The following FSD1 variants were observed in gnomAD, a reference collection of about 807,000 sequenced individuals.
The protein encoded by FSD1 is fibronectin type III and SPRY domain containing 1.
A neutral mutation model predicts 58.2 loss-of-function variants in FSD1; 23 were observed. The observed-to-expected ratio is 0.40, with a 90% CI of 0.28 to 0.56. FSD1 has a LOEUF of 0.56. Among genes scored for constraint, FSD1 ranks in the 20% least tolerant of loss-of-function variants. FSD1 has a pLI of 0.54. For synonymous variants in FSD1, 265 were observed against 263.4 expected (o/e 1.01, Z -0.06); for missense variants, 563 against 670.8 (o/e 0.84, Z 1.78).
At chr19:4,318,572 C>G (rs1022107910) in intron 9 of FSD1, 67 bp downstream of exon 9, 1 of 1,410,154 alleles carries the variant, frequency 7.1e-7, no homozygotes, top group East Asian at 2.5e-5. Flanking sequence ...GACACAGAGC[C>G]CAGTGTGGTC....
At chr19:4,305,343 C>T (rs932606567) in intron 1 of FSD1, among the ~76,000 whole-genome samples, 1 of 151,886 alleles carries the variant, frequency 6.6e-6, no homozygotes, top group Non-Finnish European at 1.5e-5. Flanking sequence ...GGCCCCACCC[C>T]TGTTCCGAGG....
intron 8 of FSD1, among the ~76,000 whole-genome samples, chr19:4,318,008 C>T (rs1244353435): frequency 6.6e-6 from 1 of 152,054 alleles, no homozygotes; most frequent in African/African-American, 2.4e-5. Context: ...CAGAGCGAGA[C>T]TCCATCTCAA....
intron 8 of FSD1, 47 bp from the exon 9 acceptor site, chr19:4,318,299 C>T: frequency 1.2e-6 from 2 of 1,613,018 alleles, no homozygotes; most frequent in Non-Finnish European, 1.7e-6. Context: ...CTCTGTGTCT[C>T]TCCGGGTTTC....
Position 4,308,233 on chromosome 19 carries a change from C to T in FSD1, c.345+250C>T, listed in dbSNP as rs543040672. The stretch of plus-strand genomic sequence containing the variant: ...GACTAGCCTGGCCAACACGGGGAAA[C>T]CCCATCTCTACTAAAAATACAAACA... On this transcript the variant is annotated intron_variant, in intron 4 of 12. Transcript: ENST00000221856. Among the ~76,000 whole-genome samples, 534 of 152,060 alleles carry T rather than the reference C, an allele frequency of 3.5e-3. 1 individual carries two copies. The highest frequency in any genetic ancestry group is 6.0e-3 in the Non-Finnish European group (406 of 67,996).
intron 10 of FSD1, among the ~76,000 whole-genome samples, chr19:4,322,283 A>G (rs1207125658): frequency 2.9e-5 from 4 of 138,562 alleles, no homozygotes; most frequent in Non-Finnish European, 4.6e-5. Context: ...TCTGGGGGGA[A>G]TAGCTGGGAT....
rs143212819 is a variant in FSD1 at position 4,306,035 on chromosome 19, C to T, written c.105C>T (p.Asn35=). 521 of 1,613,522 alleles carry T rather than the reference C, an allele frequency of 3.2e-4. No individual in the cohort carries two copies. Among genetic ancestry groups the T allele is most frequent in the Non-Finnish European group, 4.2e-4 (498 of 1,179,564 alleles). ...ACTCCCTGAAACAGATGCTGCTGAA[C>T]GTGGAGGTGAAGGCGGTGGGGCAGT... ...FIYSLKQMLL[N]VEANSAKVQE... Residue 35 remains asparagine, a synonymous_variant, in exon 2 of 13, where the codon AAC becomes AAT. Transcript: ENST00000221856.
Position 4,323,665 on chromosome 19 carries a change from T to C in FSD1, c.*22T>C. 1.9e-6 allele frequency: 3 copies of C among 1,571,028 alleles called. No individual in the cohort carries two copies. Among genetic ancestry groups the C allele is most frequent in the Non-Finnish European group, 2.6e-6 (3 of 1,146,640 alleles). On this transcript the variant is annotated 3_prime_UTR_variant, in exon 13 of 13. Coordinates refer to ENST00000221856, the MANE Select transcript of FSD1 (RefSeq NM_024333.3). The surrounding 1 kb of genome is among the most constrained non-coding windows in gnomAD (Gnocchi z 7.7). ...CTAGGCCCCCAGGCACCCACCCAGC[T>C]GGGGTGTTTTTGGGGGAGTCGCCGC...
At chr19:4,311,029 C>T (rs1971684465) in intron 6 of FSD1, 1 of 162,836 alleles carries the variant, frequency 6.1e-6, no homozygotes, top group Admixed American at 5.7e-5. Context: ...TGGGTGGAGC[C>T]ATCAGAAAGC....
rs1052490528 is a variant in FSD1, at chr19:4,304,626, C to T, written c.-121C>T. On this transcript the variant is annotated 5_prime_UTR_variant, in exon 1 of 13. Coordinates refer to ENST00000221856, the MANE Select transcript of FSD1 (RefSeq NM_024333.3). Reference sequence around the variant, plus strand: ...ATGCGCGCGGTGATGGAGCGCTAACCGGGGGCGCGGCGGCGGCGAGGGCTC... The same window carrying T: ...ATGCGCGCGGTGATGGAGCGCTAACTGGGGGCGCGGCGGCGGCGAGGGCTC... 3.8e-6 allele frequency: 2 copies of T among 529,022 alleles called. No individual in the cohort carries two copies. The highest frequency in any genetic ancestry group is 3.7e-5 in the East Asian group (1 of 27,078). The allele number at this position is 529,022 out of a possible 1,614,324, so 32.8% of individuals were successfully genotyped here.
rs1971735903 is a variant in FSD1, at chr19:4,323,794, G to A, written c.*151G>A. ...CAAGAGGGAGTGGGCACCCTGGCGG[G>A]CCCTCTCCCCACCTCACCTCTTAAT... On this transcript the variant is annotated 3_prime_UTR_variant, in exon 13 of 13. Transcript: ENST00000221856. The surrounding 1 kb of genome is among the most constrained non-coding windows in gnomAD (Gnocchi z 7.7). 2 of 633,198 alleles carry A rather than the reference G, an allele frequency of 3.2e-6. No individual in the cohort carries two copies. 39.2% of individuals were successfully genotyped at this position (633,198 alleles called of 1,614,324 possible). A position where few individuals can be genotyped will look rare whatever the true frequency, so the allele number is the denominator to read the frequency against.
At chr19:4,310,627 C>T in intron 6 of FSD1, 31 bp downstream of exon 6, 3 of 1,601,382 alleles carry the variant, frequency 1.9e-6, no homozygotes, top group Non-Finnish European at 2.6e-6. Context: ...AGGGCCAGGA[C>T]TTCCGGGGAA....
At position 4,323,689 on chromosome 19, in the gene FSD1, G is replaced by A. The variant is rs370170610; in HGVS notation, c.*46G>A. On this transcript the variant is annotated 3_prime_UTR_variant, in exon 13 of 13. Transcript: ENST00000221856. This position sits in a 1 kb window ranked among gnomAD's most constrained non-coding sequence, Gnocchi z 7.7. ...CTGGGGTGTTTTTGGGGGAGTCGCC[G>A]CCAAGCCCAGGCTGCTGGAGCCAGG... 4.6e-4 allele frequency: 624 copies of A among 1,358,724 alleles called. 1 individual carries two copies. Among genetic ancestry groups the A allele is most frequent in the Non-Finnish European group, 6.0e-4 (584 of 970,948 alleles). 84.2% of individuals were successfully genotyped at this position (1,358,724 alleles called of 1,614,324 possible).
intron 7 of FSD1, among the ~76,000 whole-genome samples, chr19:4,315,284 G>A (rs559636189): frequency 2.0e-4 from 29 of 145,174 alleles, no homozygotes; most frequent in Non-Finnish European, 3.7e-4. Context: ...ATAGGCATGC[G>A]CCCCAACGCC....
chr19:4,307,852 G>A (rs868318024), intron 3 of FSD1, 30 bp from the exon 4 acceptor site: 7 of 1,578,654 alleles, frequency 4.4e-6, no homozygotes, highest in Middle Eastern at 1.7e-4. Context: ...GGGGTGAGTT[G>A]TCCCCTCCTT....
chr19:4,323,507 T>A lies in FSD1; in HGVS notation c.1381-26T>A. ...GCGCTGGGGTTTGAAGCTGAGCCCC[T>A]CCCCCCTCCCCCCGCTGTCCCTCAG... On this transcript the variant is annotated intron_variant, in intron 12 of 12. Coordinates refer to ENST00000221856, the MANE Select transcript of FSD1 (RefSeq NM_024333.3). This position sits in a 1 kb window ranked among gnomAD's most constrained non-coding sequence, Gnocchi z 7.7. The A allele has an allele frequency of 1.2e-6, 1 of 818,378 alleles. No individual in the cohort carries two copies. Among genetic ancestry groups the A allele is most frequent in the Non-Finnish European group, 2.1e-6 (1 of 468,592 alleles). 50.7% of individuals were successfully genotyped at this position (818,378 alleles called of 1,614,324 possible).
intron 10 of FSD1, among the ~76,000 whole-genome samples, chr19:4,322,545 G>A (rs78182579): frequency 1.8e-4 from 27 of 146,234 alleles, no homozygotes; most frequent in African/African-American, 3.0e-4. Flanking sequence ...AGCTGGGTCC[G>A]AAGGAGTATC....
In FSD1 at chr19:4,323,757, T is replaced by TG. The variant is rs971615351; in HGVS notation, c.*121dup. The TG allele has an allele frequency of 5.2e-5, 38 of 728,202 alleles. No individual in the cohort carries two copies. The highest frequency in any genetic ancestry group is 6.3e-5 in the Non-Finnish European group (28 of 444,084). The allele number at this position is 728,202 out of a possible 1,614,324, so 45.1% of individuals were successfully genotyped here. On this transcript the variant is annotated 3_prime_UTR_variant, in exon 13 of 13. Coordinates refer to ENST00000221856, the MANE Select transcript of FSD1 (RefSeq NM_024333.3). The surrounding 1 kb of genome is among the most constrained non-coding windows in gnomAD (Gnocchi z 7.7). ...TGCTGCTTGGAGCCTTAACTCCAGA[T>TG]GGGGGGGTCACCAAGAGGGAGTGGG...
intron 7 of FSD1, 60 bp from the exon 8 acceptor site, chr19:4,317,122 C>G: frequency 1.0e-6 from 1 of 954,488 alleles, no homozygotes; most frequent in Non-Finnish European, 1.7e-6. Flanking sequence ...CAGCTTTAAC[C>G]CATGACTCAG....
Position 4,323,459 on chromosome 19 carries a change from G to C in FSD1, c.1380+23G>C, listed in dbSNP as rs186069472. ...ACGGTGAGCTGCCCTCCGCGGCCCA[G>C]GGGGAGGAGAGGGTGGTGCTGGGCG... On this transcript the variant is annotated intron_variant, in intron 12 of 12. Transcript: ENST00000221856. This position sits in a 1 kb window ranked among gnomAD's most constrained non-coding sequence, Gnocchi z 7.7. The C allele has an allele frequency of 9.3e-6, 15 of 1,607,376 alleles. No individual in the cohort carries two copies. In the East Asian group the frequency reaches 2.9e-4, roughly 31 times the overall value.
Sources: allele counts gnomAD v4.1 joint callset (sites outside exome capture counted in the v4.1 genomes callset), GRCh38; gene constraint gnomAD v4.1.1; non-coding constraint Gnocchi (gnomAD v3.1); transcripts MANE v1.5; gene names NCBI Gene and HGNC (gene_info 2026-07-23, HGNC 2026-07-21).